The following INTS6 variants were observed in gnomAD, a reference collection of about 807,000 sequenced individuals.
INTS6 encodes the protein integrator complex subunit 6, also known as DEAD box protein.
INTS6 carries 16 observed loss-of-function variants against 104.9 expected under a neutral mutation model. That is an observed-to-expected ratio of 0.15 (90% CI 0.10 to 0.23). The LOEUF is 0.23. Ranked by LOEUF, INTS6 falls within the 10% of genes least tolerant of loss-of-function variation. INTS6 has a pLI of 1.00. For synonymous variants in INTS6, 324 were observed against 358.7 expected (o/e 0.90, Z 1.09); for missense variants, 584 against 1,062.8 (o/e 0.55, Z 6.26).
At chr13:51,373,124 G>A (rs1030432602) in intron 15 of INTS6, among the ~76,000 whole-genome samples, 7 of 151,228 alleles carry the variant, frequency 4.6e-5, no homozygotes, top group Admixed American at 6.6e-5. Context: ...TTTTACTAAC[G>A]GTATCCCACA....
rs1011846218 is a variant in INTS6, at chr13:51,365,615, A to T, written c.*137T>A. ...AAGGTCACTGTAAAATGATGGAAAA[A>T]GGATCTGTAGATTTGCTTTTAGTAT... On this transcript the variant is annotated 3_prime_UTR_variant, in exon 18 of 18. Coordinates refer to ENST00000311234, the MANE Select transcript of INTS6 (RefSeq NM_012141.3). The T allele has an allele frequency of 4.4e-5, 20 of 452,936 alleles. No individual in the cohort carries two copies. The Admixed American group carries it at 5.2e-4, about 12-fold the overall frequency. 28.1% of individuals were successfully genotyped at this position (452,936 alleles called of 1,614,324 possible). A position where few individuals can be genotyped will look rare whatever the true frequency, so the allele number is the denominator to read the frequency against.
In INTS6 at chr13:51,436,075, A is replaced by G. The variant is rs369594147; in HGVS notation, c.340-5692T>C. On this transcript the variant is annotated intron_variant, in intron 3 of 17. Coordinates refer to ENST00000311234, the MANE Select transcript of INTS6 (RefSeq NM_012141.3). ...GTCTTTTGATGTCAAACTCTAAAAT[A>G]TTCATCTTAAGACATTAACCCTTGT... 5.9e-5 allele frequency among the ~76,000 whole-genome samples: 9 copies of G among 152,196 alleles called. No homozygotes were observed. The East Asian group carries it at 1.7e-3, about 29-fold the overall frequency.
chr13:51,431,794 C>A (rs1475881990), intron 3 of INTS6, among the ~76,000 whole-genome samples: 1 of 152,070 alleles, frequency 6.6e-6, no homozygotes, highest in Non-Finnish European at 1.5e-5. Flanking sequence ...TAGATATAAT[C>A]TCTAGAAGAT....
chr13:51,361,614 G>C lies in INTS6; in HGVS notation c.*4138C>G, dbSNP rs114212710. 218 of 597,876 alleles carry C rather than the reference G, an allele frequency of 3.6e-4. No homozygotes were observed. Among genetic ancestry groups the C allele is most frequent in the African/African-American group, 3.4e-3 (184 of 53,604 alleles). The allele number at this position is 597,876 out of a possible 1,614,324, so 37.0% of individuals were successfully genotyped here. On this transcript the variant is annotated 3_prime_UTR_variant, in exon 18 of 18. Transcript: ENST00000311234. ...AGGAATTTATTCCATGGAATGTGTT[G>C]AAAACAGGAGACAGGATTGGCTAAA...
rs976716580 is a variant in INTS6 at position 51,378,158 on chromosome 13, T to C, written c.1602+81A>G. 22 of 1,001,994 alleles carry C rather than the reference T, an allele frequency of 2.2e-5. No individual in the cohort carries two copies. The East Asian group carries it at 2.4e-4, about 11-fold the overall frequency. 62.1% of individuals were successfully genotyped at this position (1,001,994 alleles called of 1,614,324 possible). A position where few individuals can be genotyped will look rare whatever the true frequency, so the allele number is the denominator to read the frequency against. ...CTCTTTAAAGTCTGGATAAACTGAATGTCAGAGTTAACAGAAAATGTGATT... is the reference window on the plus strand; with the variant it reads ...CTCTTTAAAGTCTGGATAAACTGAACGTCAGAGTTAACAGAAAATGTGATT... On this transcript the variant is annotated intron_variant, in intron 12 of 17. Coordinates refer to ENST00000311234, the MANE Select transcript of INTS6 (RefSeq NM_012141.3).
intron 13 of INTS6, 136 bp downstream of exon 13, chr13:51,375,912 A>T: frequency 1.5e-6 from 1 of 676,430 alleles, no homozygotes; most frequent in Non-Finnish European, 2.2e-6. Flanking sequence ...TTCACCTTTT[A>T]CTTCATTTGT....
intron 4 of INTS6, among the ~76,000 whole-genome samples, chr13:51,404,751 A>G (rs1463676059): frequency 6.6e-6 from 1 of 152,194 alleles, no homozygotes; most frequent in Non-Finnish European, 1.5e-5. Context: ...ACTTTTCTTT[A>G]CCGTTTACTG....
intron 4 of INTS6, among the ~76,000 whole-genome samples, chr13:51,411,554 A>G (rs1228869392): frequency 2.4e-5 from 3 of 125,708 alleles, no homozygotes; most frequent in Non-Finnish European, 1.6e-5. Context: ...CTCCATCTCA[A>G]AAAAAAAAAA....
intron 15 of INTS6, among the ~76,000 whole-genome samples, chr13:51,372,324 A>G (rs1236314817): frequency 6.7e-6 from 1 of 150,220 alleles, no homozygotes; most frequent in African/African-American, 2.5e-5. Flanking sequence ...TTTTTTTTAA[A>G]GTATTTGGGA....
At chr13:51,397,353 C>G (rs780902608) in intron 4 of INTS6, among the ~76,000 whole-genome samples, 6 of 152,174 alleles carry the variant, frequency 3.9e-5, no homozygotes, top group Non-Finnish European at 8.8e-5. Context: ...GAATATGCTG[C>G]AAGACTCCTT....
chr13:51,452,669 G>A lies in INTS6; in HGVS notation c.-144C>T. On this transcript the variant is annotated 5_prime_UTR_variant, in exon 1 of 18. Coordinates refer to ENST00000311234, the MANE Select transcript of INTS6 (RefSeq NM_012141.3). The surrounding 1 kb of genome is among the most constrained non-coding windows in gnomAD (Gnocchi z 4.2). ...AAAACACTGTCTGGGTCTTTCCTCCGGCTGCGGGGAGTTTCTCCCCCGATA... is the reference window on the plus strand; with the variant it reads ...AAAACACTGTCTGGGTCTTTCCTCCAGCTGCGGGGAGTTTCTCCCCCGATA... 2.1e-6 allele frequency: 3 copies of A among 1,423,890 alleles called. No individual in the cohort carries two copies. The highest frequency in any genetic ancestry group is 1.3e-5 in the South Asian group (1 of 75,218). 88.2% of individuals were successfully genotyped at this position (1,423,890 alleles called of 1,614,324 possible).
Position 51,365,082 on chromosome 13 carries a change from T to G in INTS6, c.*670A>C, listed in dbSNP as rs1436042708. Reference sequence around the variant, plus strand: ...AAAAGGCAATGCAGATTATGTAACATGTAATTACAGTTAGGCTTAACAAAC... The same window carrying G: ...AAAAGGCAATGCAGATTATGTAACAGGTAATTACAGTTAGGCTTAACAAAC... On this transcript the variant is annotated 3_prime_UTR_variant, in exon 18 of 18. Transcript: ENST00000311234. 2 of 152,490 alleles carry G rather than the reference T, an allele frequency of 1.3e-5. No homozygotes were observed. Among genetic ancestry groups the G allele is most frequent in the Non-Finnish European group, 2.9e-5 (2 of 67,960 alleles). The allele number at this position is 152,490 out of a possible 1,614,324, so 9.4% of individuals were successfully genotyped here.
At position 51,374,480 on chromosome 13, in the gene INTS6, A is replaced by C. The variant is rs182489314; in HGVS notation, c.1873-41T>G. The C allele has an allele frequency of 5.1e-6, 8 of 1,583,134 alleles. No individual in the cohort carries two copies. The African/African-American group carries it at 6.7e-5, about 13-fold the overall frequency. On this transcript the variant is annotated intron_variant, in intron 14 of 17. Transcript: ENST00000311234. ...ATACAACTTTCTTGAATTTACAAAC[A>C]ATGTTTAAATGGCACAACCAGTGTC...
In INTS6 at chr13:51,429,738, G is replaced by A. The variant is rs865814495; in HGVS notation, c.429+556C>T. Among the ~76,000 whole-genome samples the A allele has an allele frequency of 1.6e-4, 21 of 127,550 alleles. 1 individual carries two copies. In the Admixed American group the frequency reaches 1.7e-3, roughly 11 times the overall value. 83.7% of individuals were successfully genotyped at this position (127,550 alleles called of 152,430 possible). A position where few individuals can be genotyped will look rare whatever the true frequency, so the allele number is the denominator to read the frequency against. On this transcript the variant is annotated intron_variant, in intron 4 of 17. Transcript: ENST00000311234. ...AAGATTGTGCCACTGCACTCTAGCC[G>A]GGGCAACAGAGTGAGACTCTGTCTC...
chr13:51,345,977 T>C, the INTS6 span, among the ~76,000 whole-genome samples: 7 of 152,170 alleles, frequency 4.6e-5, no homozygotes, highest in Admixed American at 2.0e-4. Context: ...CCACATTGCA[T>C]TGGGTAACTG....
chr13:51,419,233 C>A (rs1384118835), intron 4 of INTS6, among the ~76,000 whole-genome samples: 1 of 152,174 alleles, frequency 6.6e-6, no homozygotes, highest in Non-Finnish European at 1.5e-5. Flanking sequence ...GTATAGTCCA[C>A]GCTACTTCTT....
At chr13:51,342,102 C>T in the INTS6 span, among the ~76,000 whole-genome samples, 1 of 151,052 alleles carries the variant, frequency 6.6e-6, no homozygotes, top group Non-Finnish European at 1.5e-5. Flanking sequence ...TCTACCAACT[C>T]CAGCTAAAAC....
intron 3 of INTS6, among the ~76,000 whole-genome samples, chr13:51,431,821 C>A (rs186317631): frequency 6.6e-6 from 1 of 152,176 alleles, no homozygotes; most frequent in East Asian, 1.9e-4. Flanking sequence ...TGCATAGCAG[C>A]ATTAAAATGT....
At position 51,429,763 on chromosome 13, in the gene INTS6, CAAAAAA is replaced by C. The variant is rs35873020; in HGVS notation, c.429+525_429+530del. Among the ~76,000 whole-genome samples, 105 of 27,082 alleles carry C rather than the reference CAAAAAA, an allele frequency of 3.9e-3. 1 individual carries two copies. The highest frequency in any genetic ancestry group is 0.013 in the African/African-American group (83 of 6,220). 17.8% of individuals were successfully genotyped at this position (27,082 alleles called of 152,430 possible). ...GGGGCAACAGAGTGAGACTCTGTCT[CAAAAAA>C]AAAAAAAAAAAAAAAAATATATATA... On this transcript the variant is annotated intron_variant, in intron 4 of 17. Coordinates refer to ENST00000311234, the MANE Select transcript of INTS6 (RefSeq NM_012141.3).
Sources: gnomAD v4.1 joint callset for allele counts (sites outside exome capture counted in the v4.1 genomes callset) on GRCh38, gnomAD v4.1.1 for gene constraint, Gnocchi (gnomAD v3.1) non-coding constraint, MANE v1.5 for transcripts, NCBI Gene and HGNC (gene_info 2026-07-23, HGNC 2026-07-21) for gene names.